Variants in ST13 observed in about 807,000 individuals in gnomAD.
ST13 encodes ST13 Hsp70 interacting protein.
A neutral mutation model predicts 56.7 loss-of-function variants in ST13; 23 were observed. The observed-to-expected ratio is 0.41, with a 90% CI of 0.29 to 0.57. The LOEUF is 0.57. Ranked by LOEUF, ST13 falls within the 20% of genes least tolerant of loss-of-function variation. The pLI is 0.36. For missense variants in ST13, 369 were observed against 459.9 expected (o/e 0.80, Z 1.81); for synonymous variants, 132 against 142.4 (o/e 0.93, Z 0.52).
rs116411688 is a variant in ST13, at chr22:40,848,253, A to G, written c.244+41T>C. The G allele has an allele frequency of 2.1e-3, 2,905 of 1,416,066 alleles. 50 individuals are homozygous for G. The African/African-American group carries it at 0.038, about 19-fold the overall frequency. The allele number at this position is 1,416,066 out of a possible 1,614,324, so 87.7% of individuals were successfully genotyped here. ...TTAATAAAAATCAACAAAGTATCAC[A>G]TCATAGGTTTTCAAATACAAACTAA... is the stretch of plus-strand genomic sequence containing the variant. On this transcript the variant is annotated intron_variant, in intron 3 of 11. Transcript: ENST00000216218.
At chr22:40,832,474 G>T in intron 8 of ST13, 95 bp downstream of exon 8, 1 of 874,680 alleles carries the variant, frequency 1.1e-6, no homozygotes, top group Non-Finnish European at 1.8e-6. Flanking sequence ...TTGTTTCTTT[G>T]CCTGTTTTTC....
chr22:40,829,721 TG>T, intron 9 of ST13, 47 bp from the exon 10 acceptor site: 1 of 1,096,664 alleles, frequency 9.1e-7, no homozygotes, highest in South Asian at 2.1e-5. Flanking sequence ...AAGAAATAAG[TG>T]CTGTCCATGC....
chr22:40,827,004 A>C (rs1332059267), intron 11 of ST13, 92 bp downstream of exon 11: 2 of 1,386,748 alleles, frequency 1.4e-6, no homozygotes, highest in Non-Finnish European at 9.8e-7. Flanking sequence ...ATAAATAAAA[A>C]ATAGCTATGA....
chr22:40,833,803 G>C (rs1455620506), intron 7 of ST13, among the ~76,000 whole-genome samples: 1 of 151,488 alleles, frequency 6.6e-6, no homozygotes, highest in African/African-American at 2.4e-5. Flanking sequence ...CCCGGGGCGG[G>C]TGCAGTGAGC....
intron 10 of ST13, among the ~76,000 whole-genome samples, chr22:40,829,069 T>A (rs2057742003): frequency 6.6e-6 from 1 of 152,202 alleles, no homozygotes; most frequent in African/African-American, 2.4e-5. Context: ...TCATCCTCAA[T>A]ATTTGTTCTA....
intron 2 of ST13, among the ~76,000 whole-genome samples, 188 bp downstream of exon 2, chr22:40,850,635 G>A (rs185140294): frequency 6.6e-6 from 1 of 152,220 alleles, no homozygotes; most frequent in African/African-American, 2.4e-5. Context: ...TAAATTCTCA[G>A]TTCTAAATCA....
Position 40,854,377 on chromosome 22 carries a change from T to C in ST13, c.110+2054A>G, listed in dbSNP as rs187646636. ...AAGTTCAGAATAAAGTCCCTACATA[T>C]GCCATGATGCTTCACCCCATACTTC... On this transcript the variant is annotated intron_variant, in intron 1 of 11. Coordinates refer to ENST00000216218, the MANE Select transcript of ST13 (RefSeq NM_003932.5). 5.9e-5 allele frequency among the ~76,000 whole-genome samples: 9 copies of C among 152,340 alleles called. No homozygotes were observed. In the East Asian group the frequency reaches 1.7e-3, roughly 29 times the overall value.
intron 2 of ST13, among the ~76,000 whole-genome samples, chr22:40,848,603 C>T (rs903645628): frequency 2.6e-5 from 4 of 151,992 alleles, no homozygotes; most frequent in African/African-American, 4.8e-5. Flanking sequence ...ATTAGCCGGA[C>T]GTGGTGGTGC....
intron 11 of ST13, 61 bp downstream of exon 11, chr22:40,827,035 C>T: frequency 1.9e-6 from 3 of 1,565,028 alleles, no homozygotes; most frequent in Non-Finnish European, 2.6e-6. Flanking sequence ...TGTCTCCACA[C>T]AGAATTATGA....
chr22:40,846,251 T>A (rs2057830775), intron 3 of ST13, among the ~76,000 whole-genome samples: 1 of 152,152 alleles, frequency 6.6e-6, no homozygotes, highest in Non-Finnish European at 1.5e-5. Flanking sequence ...CATACCTCAT[T>A]TTATTGTGTT....
At chr22:40,827,282 G>A (rs2145730063) in intron 10 of ST13, 53 bp from the exon 11 acceptor site, 3 of 1,586,206 alleles carry the variant, frequency 1.9e-6, no homozygotes, top group Non-Finnish European at 2.6e-6. Context: ...TTCTGACACA[G>A]TATTTCATCC....
At chr22:40,850,151 G>C (rs1027951399) in intron 2 of ST13, among the ~76,000 whole-genome samples, 1 of 152,150 alleles carries the variant, frequency 6.6e-6, no homozygotes, top group Non-Finnish European at 1.5e-5. Flanking sequence ...CCAGATACTC[G>C]GGAGACTGAA....
At chr22:40,826,830 T>C (rs2057730844) in intron 11 of ST13, among the ~76,000 whole-genome samples, 164 bp from the exon 12 acceptor site, 1 of 152,194 alleles carries the variant, frequency 6.6e-6, no homozygotes, top group African/African-American at 2.4e-5. Context: ...AATTAAGTCA[T>C]TTGAACTGTA....
chr22:40,843,462 G>C (rs2057814682), intron 4 of ST13, among the ~76,000 whole-genome samples: 1 of 152,032 alleles, frequency 6.6e-6, no homozygotes, highest in African/African-American at 2.4e-5. Flanking sequence ...AAAAAAAATA[G>C]ACAAGCAGAA....
intron 7 of ST13, among the ~76,000 whole-genome samples, chr22:40,834,599 C>CA (rs1477606535): frequency 2.0e-5 from 3 of 152,124 alleles, no homozygotes. Context: ...AACGACAGTA[C>CA]ATACCAGAAG....
intron 5 of ST13, among the ~76,000 whole-genome samples, chr22:40,836,954 T>C (rs1461240004): frequency 1.3e-5 from 2 of 152,138 alleles, no homozygotes; most frequent in Non-Finnish European, 1.5e-5. Context: ...TAGCTGGGAA[T>C]ACAAGCCCAC....
intron 9 of ST13, 30 bp downstream of exon 9, chr22:40,830,810 C>T (rs1298371285): frequency 6.8e-7 from 1 of 1,478,080 alleles, no homozygotes; most frequent in Non-Finnish European, 9.3e-7. Flanking sequence ...GCCGTATTTT[C>T]CTTTCATGGC....
intron 5 of ST13, among the ~76,000 whole-genome samples, chr22:40,839,145 A>G (rs2057790902): frequency 6.6e-6 from 1 of 152,194 alleles, no homozygotes; most frequent in Non-Finnish European, 1.5e-5. Context: ...CAGGAAGGTA[A>G]ACTATTAAGG....
In ST13 at chr22:40,850,880, G is replaced by A. The variant is rs747024366; in HGVS notation, c.111C>T (p.Ser37=). The change falls in exon 2 of 12, where the codon AGC becomes AGT. Residue 37 remains serine (S), a splice_region_variant and synonymous_variant. Transcript: ENST00000216218. ...EMRFLREWVE[S]MGGKVPPATQ... is the part of the protein sequence containing the mutation. ...TAGCAGGTGGTACTTTACCACCCAT[G>A]CTTGAAGAAGATGAGAAAAAAGATA... is the stretch of plus-strand genomic sequence containing the variant. 1 of 1,590,426 alleles carries A rather than the reference G, an allele frequency of 6.3e-7. No homozygotes were observed.
Sources: gnomAD v4.1 joint callset for allele counts (sites outside exome capture counted in the v4.1 genomes callset) on GRCh38, gnomAD v4.1.1 for gene constraint, MANE v1.5 for transcripts, NCBI Gene and HGNC (gene_info 2026-07-23, HGNC 2026-07-21) for gene names.